Variants in ADCY2 observed in about 807,000 individuals in gnomAD.
ADCY2 encodes adenylate cyclase type 2.
Under a neutral mutation model 125.2 loss-of-function variants are expected in ADCY2, and 31 were observed. The ratio of observed to expected loss-of-function variants is 0.25; its 90% CI spans 0.19 to 0.33. ADCY2 has a LOEUF of 0.33. Among genes scored for constraint, ADCY2 ranks in the 10% least tolerant of loss-of-function variants. The pLI, the probability that ADCY2 is intolerant of heterozygous loss-of-function variation, is 1.00. For missense variants in ADCY2, 904 were observed against 1,418.2 expected (o/e 0.64, Z 5.82); for synonymous variants, 512 against 548.4 (o/e 0.93, Z 0.93).
intron 4 of ADCY2, among the ~76,000 whole-genome samples, chr5:7,655,711 G>A (rs1739299360): frequency 6.6e-6 from 1 of 152,192 alleles, no homozygotes; most frequent in African/African-American, 2.4e-5. Flanking sequence ...GCCCAGTCAA[G>A]TGGACATGTA....
chr5:7,702,308 C>T (rs1306784033), intron 7 of ADCY2, among the ~76,000 whole-genome samples: 2 of 150,854 alleles, frequency 1.3e-5, no homozygotes. Flanking sequence ...ATACATGTGC[C>T]ATGTTGGTGT....
At chr5:7,500,523 A>G (rs1254955315) in intron 2 of ADCY2, among the ~76,000 whole-genome samples, 1 of 152,208 alleles carries the variant, frequency 6.6e-6, no homozygotes, top group Admixed American at 6.5e-5. Context: ...TGATGTGATG[A>G]GAATGGCACT....
intron 3 of ADCY2, among the ~76,000 whole-genome samples, chr5:7,593,135 C>T (rs1351491383): frequency 1.3e-5 from 2 of 151,974 alleles, no homozygotes; most frequent in African/African-American, 4.8e-5. Flanking sequence ...GGGATGAGCG[C>T]AAATCGAGGA....
intron 2 of ADCY2, among the ~76,000 whole-genome samples, chr5:7,517,264 C>T (rs1744284157): frequency 6.6e-6 from 1 of 152,156 alleles, no homozygotes; most frequent in African/African-American, 2.4e-5. Context: ...CCTGGCTCTG[C>T]ACTCTTTAGC....
chr5:7,477,930 A>G (rs1326379174), intron 2 of ADCY2, among the ~76,000 whole-genome samples: 1 of 152,168 alleles, frequency 6.6e-6, no homozygotes, highest in Non-Finnish European at 1.5e-5. Context: ...GTGAATGGAC[A>G]CAGCTGTGAA....
chr5:7,614,007 G>A (rs1361532244), intron 3 of ADCY2, among the ~76,000 whole-genome samples: 1 of 152,192 alleles, frequency 6.6e-6, no homozygotes, highest in African/African-American at 2.4e-5. Flanking sequence ...GAGAGCACTG[G>A]GAGGACAGGC....
chr5:7,700,007 CTTAAGGTAAAAGTGTGCACGTTATCATCT>C lies in ADCY2; in HGVS notation c.1109+1636_1109+1664del, dbSNP rs1216536576. Among the ~76,000 whole-genome samples the C allele has an allele frequency of 2.0e-5, 3 of 152,156 alleles. No homozygotes were observed. In the East Asian group the frequency reaches 5.8e-4, roughly 29 times the overall value. ...AGAAATTTTGAACATCTTCTTTGAT[CTTAAGGTAAAAGTGTGCACGTTATCATCT>C]TTCCAATTTCTGACAAATTCTGTGG... On this transcript the variant is annotated intron_variant, in intron 7 of 24. Transcript: ENST00000338316.
chr5:7,633,021 A>G (rs901750501), intron 4 of ADCY2, among the ~76,000 whole-genome samples: 1 of 152,158 alleles, frequency 6.6e-6, no homozygotes, highest in Non-Finnish European at 1.5e-5. Flanking sequence ...AGGATGAAGG[A>G]ACTCTCAGGA....
chr5:7,814,016 G>A (rs1175881224), intron 22 of ADCY2, among the ~76,000 whole-genome samples: 4 of 143,894 alleles, frequency 2.8e-5, no homozygotes, highest in African/African-American at 5.9e-5. Context: ...CCCATAAGTC[G>A]TGAGACAAAA....
chr5:7,566,276 C>T (rs1561098338), intron 3 of ADCY2, among the ~76,000 whole-genome samples: 1 of 152,146 alleles, frequency 6.6e-6, no homozygotes, highest in Non-Finnish European at 1.5e-5. Flanking sequence ...CACTTGAGCT[C>T]AGGAGTTCAA....
At chr5:7,750,466 T>A (rs1193291321) in intron 15 of ADCY2, among the ~76,000 whole-genome samples, 1 of 152,216 alleles carries the variant, frequency 6.6e-6, no homozygotes, top group Admixed American at 6.5e-5. Flanking sequence ...TATTCCTGTT[T>A]TTGTTAAACA....
intron 4 of ADCY2, among the ~76,000 whole-genome samples, chr5:7,688,973 G>T (rs1288185175): frequency 1.3e-5 from 2 of 152,124 alleles, no homozygotes; most frequent in Non-Finnish European, 2.9e-5. Flanking sequence ...TGCGTTTTGG[G>T]GATTAGTAGC....
At chr5:7,432,322 GCTGTA>G (rs1740634715) in intron 2 of ADCY2, among the ~76,000 whole-genome samples, 1 of 152,106 alleles carries the variant, frequency 6.6e-6, no homozygotes, top group East Asian at 1.9e-4. Context: ...GGTGCAAAAG[GCTGTA>G]ATACTGACCT....
intron 10 of ADCY2, among the ~76,000 whole-genome samples, chr5:7,711,211 C>G (rs540100388): frequency 6.6e-6 from 1 of 152,242 alleles, no homozygotes; most frequent in Non-Finnish European, 1.5e-5. Context: ...AAGAAGAGAA[C>G]AATCCAAGGT....
intron 2 of ADCY2, among the ~76,000 whole-genome samples, chr5:7,427,995 C>T (rs184595514): frequency 9.1e-4 from 138 of 152,294 alleles, no homozygotes; most frequent in African/African-American, 3.0e-3. Flanking sequence ...ACAACAACTA[C>T]AGAGCATTTA....
In ADCY2 at chr5:7,702,700, G is replaced by A. The variant is rs529601859; in HGVS notation, c.1110-4044G>A. 1.8e-4 allele frequency among the ~76,000 whole-genome samples: 27 copies of A among 152,286 alleles called. No individual in the cohort carries two copies. The South Asian group carries it at 3.1e-3, about 18-fold the overall frequency. ...CCACAGTAAACATACGTGTGCATGC[G>A]TCTTTATAGCAGCATGATTTATAAT... On this transcript the variant is annotated intron_variant, in intron 7 of 24. Coordinates refer to ENST00000338316, the MANE Select transcript of ADCY2 (RefSeq NM_020546.3).
chr5:7,678,258 C>T (rs1219035137), intron 4 of ADCY2, among the ~76,000 whole-genome samples: 1 of 152,098 alleles, frequency 6.6e-6, no homozygotes, highest in Non-Finnish European at 1.5e-5. Context: ...AATTCTGGGC[C>T]ACATGTCTTC....
At chr5:7,540,382 G>T (rs944634838) in intron 3 of ADCY2, among the ~76,000 whole-genome samples, 1 of 152,032 alleles carries the variant, frequency 6.6e-6, no homozygotes, top group Non-Finnish European at 1.5e-5. Flanking sequence ...ATCCCTGGTG[G>T]ATGTGAGGTT....
chr5:7,447,933 G>T (rs1369554450), intron 2 of ADCY2, among the ~76,000 whole-genome samples: 1 of 152,170 alleles, frequency 6.6e-6, no homozygotes, highest in Non-Finnish European at 1.5e-5. Flanking sequence ...GAGGACCTGG[G>T]GCTTCCTACC....
Sources: gnomAD v4.1 joint callset for allele counts (sites outside exome capture counted in the v4.1 genomes callset) on GRCh38, gnomAD v4.1.1 for gene constraint, MANE v1.5 for transcripts, NCBI Gene and HGNC (gene_info 2026-07-23, HGNC 2026-07-21) for gene names.